MSRA: variants seen among roughly 807,000 people sequenced by gnomAD.
MSRA encodes the protein mitochondrial peptide methionine sulfoxide reductase.
A neutral mutation model predicts 31.3 loss-of-function variants in MSRA; 54 were observed. The observed-to-expected ratio is 1.73, with a 90% CI of 1.39 to 2.17. The LOEUF (loss-of-function observed/expected upper bound fraction) is 2.17, where lower values mean the gene tolerates loss of function less well. MSRA is among the 30% of genes most tolerant of loss of function. MSRA has a pLI of 0.00. For missense variants in MSRA, 507 were observed against 300.9 expected, an observed-to-expected ratio of 1.69 and a Z score of -5.07; for synonymous variants, 169 against 116.5, an observed-to-expected ratio of 1.45 and a Z score of -2.90.
intron 1 of MSRA, among the ~76,000 whole-genome samples, chr8:10,147,491 TCA>T (rs768963277): frequency 1.3e-5 from 2 of 152,162 alleles, no homozygotes; most frequent in Admixed American, 6.5e-5. Flanking sequence ...TGAGTGAAAG[TCA>T]CAGTGTCTTT....
chr8:10,213,321 T>C (rs1056130842), intron 2 of MSRA, among the ~76,000 whole-genome samples: 2 of 152,146 alleles, frequency 1.3e-5, no homozygotes, highest in African/African-American at 4.8e-5. Flanking sequence ...GCTGGACTTA[T>C]TTCACTTAAC....
intron 1 of MSRA, among the ~76,000 whole-genome samples, chr8:10,134,136 T>C (rs1183863497): frequency 6.6e-6 from 1 of 152,120 alleles, no homozygotes; most frequent in African/African-American, 2.4e-5. Context: ...CCGGCCTGGA[T>C]CCTATCTTAA....
intron 1 of MSRA, among the ~76,000 whole-genome samples, chr8:10,076,864 TG>T (rs1798018547): frequency 1.3e-5 from 2 of 149,752 alleles, no homozygotes; most frequent in Non-Finnish European, 1.5e-5. Context: ...GAGCAGAGGA[TG>T]GGGGGCTGGG....
intron 1 of MSRA, among the ~76,000 whole-genome samples, chr8:10,124,394 A>T (rs574132916): frequency 7.9e-5 from 12 of 152,304 alleles, no homozygotes; most frequent in African/African-American, 2.9e-4. Context: ...CTTTGGGGCA[A>T]ACCAGACCCG....
At chr8:10,074,335 G>T (rs1300521868) in intron 1 of MSRA, among the ~76,000 whole-genome samples, 1 of 151,880 alleles carries the variant, frequency 6.6e-6, no homozygotes, top group African/African-American at 2.4e-5. Flanking sequence ...GCCTGCCTCG[G>T]CCTCCCAAAG....
intron 1 of MSRA, among the ~76,000 whole-genome samples, chr8:10,104,331 A>G (rs1300545578): frequency 3.9e-5 from 6 of 152,190 alleles, no homozygotes; most frequent in Non-Finnish European, 8.8e-5. Flanking sequence ...TTATTTTGCC[A>G]AGGTTAAGGA....
chr8:10,363,951 A>G (rs1036388595), intron 5 of MSRA, among the ~76,000 whole-genome samples: 4 of 151,986 alleles, frequency 2.6e-5, no homozygotes, highest in African/African-American at 9.7e-5. Context: ...CAAAACAAAA[A>G]ACAAAAGAAG....
chr8:10,116,002 G>T (rs1800650739), intron 1 of MSRA, among the ~76,000 whole-genome samples: 1 of 152,188 alleles, frequency 6.6e-6, no homozygotes, highest in East Asian at 1.9e-4. Flanking sequence ...ATGGTGGCTC[G>T]AGGGGACAGA....
At chr8:10,064,723 A>G (rs924195739) in intron 1 of MSRA, among the ~76,000 whole-genome samples, 7 of 152,210 alleles carry the variant, frequency 4.6e-5, no homozygotes, top group African/African-American at 1.7e-4. Flanking sequence ...TAAAAAAATT[A>G]GTTTACCATT....
intron 2 of MSRA, among the ~76,000 whole-genome samples, chr8:10,228,508 A>G (rs921285234): frequency 6.6e-6 from 1 of 152,166 alleles, no homozygotes; most frequent in Non-Finnish European, 1.5e-5. Context: ...TATGTAATGA[A>G]TAATTTGATC....
chr8:10,362,639 C>A (rs1804918807), intron 5 of MSRA, among the ~76,000 whole-genome samples: 1 of 151,930 alleles, frequency 6.6e-6, no homozygotes, highest in African/African-American at 2.4e-5. Flanking sequence ...ACAGGGAGAC[C>A]CGTTGTCCCT....
intron 4 of MSRA, among the ~76,000 whole-genome samples, chr8:10,307,585 A>G (rs1801209643): frequency 1.3e-5 from 2 of 152,254 alleles, no homozygotes; most frequent in Non-Finnish European, 2.9e-5. Flanking sequence ...CATGCCTATC[A>G]TATTCACCAC....
At chr8:10,309,479 T>G (rs1216513888) in intron 4 of MSRA, among the ~76,000 whole-genome samples, 1 of 152,218 alleles carries the variant, frequency 6.6e-6, no homozygotes, top group Non-Finnish European at 1.5e-5. Flanking sequence ...TTCTCTATCA[T>G]TTTTCCTCAG....
intron 1 of MSRA, among the ~76,000 whole-genome samples, chr8:10,178,241 C>G (rs554672483): frequency 6.6e-6 from 1 of 152,036 alleles, no homozygotes; most frequent in Non-Finnish European, 1.5e-5. Flanking sequence ...TGATAGATTT[C>G]GCTTAGTTTA....
At chr8:10,096,108 C>T (rs917042619) in intron 1 of MSRA, 2 of 1,292,582 alleles carry the variant, frequency 1.5e-6, no homozygotes, top group Admixed American at 3.2e-5. Context: ...TTTCAAGGAG[C>T]CTTTCTAAGA....
At chr8:10,238,577 T>C (rs1465664164) in intron 2 of MSRA, among the ~76,000 whole-genome samples, 1 of 152,088 alleles carries the variant, frequency 6.6e-6, no homozygotes, top group East Asian at 1.9e-4. Context: ...AATAGACAAA[T>C]GAATGGAGCG....
chr8:10,318,701 G>C (rs546901143), intron 4 of MSRA, among the ~76,000 whole-genome samples: 1 of 152,256 alleles, frequency 6.6e-6, no homozygotes, highest in South Asian at 2.1e-4. Context: ...GCCACTTCTT[G>C]TATTCCTAGC....
intron 2 of MSRA, among the ~76,000 whole-genome samples, chr8:10,237,232 T>C (rs1812022172): frequency 2.0e-5 from 3 of 152,226 alleles, no homozygotes; most frequent in Admixed American, 2.0e-4. Flanking sequence ...AAAAACTTGG[T>C]GTGGGGGTGG....
chr8:10,218,931 G>A (rs1227701111), intron 2 of MSRA, among the ~76,000 whole-genome samples: 1 of 152,180 alleles, frequency 6.6e-6, no homozygotes, highest in East Asian at 1.9e-4. Flanking sequence ...GTGGCAGAAG[G>A]CAGGTTCTCA....
Sources: allele counts gnomAD v4.1 joint callset (sites outside exome capture counted in the v4.1 genomes callset), GRCh38; gene constraint gnomAD v4.1.1; transcripts MANE v1.5; gene names NCBI Gene and HGNC (gene_info 2026-07-23, HGNC 2026-07-21).